KLHL13: variants seen among roughly 807,000 people sequenced by gnomAD.
KLHL13 encodes the protein kelch-like protein 13.
A neutral mutation model predicts 37.1 loss-of-function variants in KLHL13; 10 were observed. The observed-to-expected ratio is 0.27, with a 90% CI of 0.17 to 0.46. KLHL13 has a LOEUF of 0.46. KLHL13 is among the 20% of genes least tolerant of loss of function. KLHL13 has a pLI of 1.00. For missense variants in KLHL13, 360 were observed against 509.3 expected, an observed-to-expected ratio of 0.71 and a Z score of 2.82; for synonymous variants, 163 against 181.2, an observed-to-expected ratio of 0.90 and a Z score of 0.81.
intron 1 of KLHL13, among the ~76,000 whole-genome samples, chrX:118,072,787 A>G (rs752683997): frequency 4.5e-5 from 5 of 112,049 alleles, no homozygotes; most frequent in Non-Finnish European, 9.4e-5. Flanking sequence ...ATTGAAGCCT[A>G]TATCATGATG....
At chrX:118,056,930 C>T (rs764324190) in intron 1 of KLHL13, among the ~76,000 whole-genome samples, 8 of 112,091 alleles carry the variant, frequency 7.1e-5, no homozygotes, top group African/African-American at 2.3e-4. Context: ...TATCAGCCTC[C>T]GAGCACTTAA....
chrX:117,924,907 TTTTAATG>T lies in KLHL13; in HGVS notation c.241-4544_241-4538del, dbSNP rs201725679. Among the ~76,000 whole-genome samples, 19 of 111,161 alleles carry T rather than the reference TTTTAATG, an allele frequency of 1.7e-4. 1 individual carries two copies. In the East Asian group the frequency reaches 3.4e-3, roughly 20 times the overall value. ...TTAATGCTATTTTTAATGTTTAATG[TTTTAATG>T]TTTAATGTTTAATGTTTTTAAACAT... On this transcript the variant is annotated intron_variant, in intron 2 of 6. Transcript: ENST00000262820.
At chrX:118,026,605 A>G (rs1285224018) in intron 1 of KLHL13, among the ~76,000 whole-genome samples, 3 of 112,254 alleles carry the variant, frequency 2.7e-5, no homozygotes, top group Non-Finnish European at 3.8e-5. Context: ...TTACAAATGG[A>G]TAACTCATTT....
At chrX:118,108,151 A>C (rs1160032933) in intron 1 of KLHL13, among the ~76,000 whole-genome samples, 2 of 112,320 alleles carry the variant, frequency 1.8e-5, no homozygotes, top group Non-Finnish European at 3.8e-5. Context: ...AGTGGGACCA[A>C]GAAAGAAAAC....
intron 4 of KLHL13, among the ~76,000 whole-genome samples, chrX:117,913,848 G>GAAAAAAAAAAAAAAAAAAAAA (rs1201645166): frequency 1.7e-5 from 1 of 57,385 alleles, no homozygotes. Flanking sequence ...TCAAAAAAAA[G>GAAAAAAAAAAAAAAAAAAAAA]AAAAAAAAAA....
Position 117,899,093 on chromosome X carries a change from A to AC in KLHL13, c.1782dup (p.Tyr595ValfsTer5). The AC allele has an allele frequency of 8.3e-7, 1 of 1,210,762 alleles. No homozygotes were observed. Among genetic ancestry groups the AC allele is most frequent in the South Asian group, 1.8e-5 (1 of 56,961 alleles). Reference sequence around the variant, plus strand: ...ACCATACAACGATTATTCCAAGAATACCCCCCAACCACATAGATTTTATTT... The same window carrying AC: ...ACCATACAACGATTATTCCAAGAATACCCCCCCAACCACATAGATTTTATTT... On this transcript the variant is annotated frameshift_variant, in exon 7 of 7. Coordinates refer to ENST00000262820, the Ensembl canonical transcript of KLHL13. LOFTEE classifies it high-confidence loss of function.
At chrX:117,987,859 A>G (rs1294933478) in intron 1 of KLHL13, among the ~76,000 whole-genome samples, 1 of 111,791 alleles carries the variant, frequency 8.9e-6, no homozygotes, top group East Asian at 2.8e-4. Context: ...CTTTCCACTA[A>G]CTTATAAGGA....
intron 1 of KLHL13, among the ~76,000 whole-genome samples, chrX:118,036,438 G>T (rs766362448): frequency 1.8e-5 from 2 of 110,937 alleles, no homozygotes; most frequent in East Asian, 2.8e-4. Context: ...AAACAACGCC[G>T]CATATCTACA....
At chrX:118,023,505 G>A (rs890158200) in intron 1 of KLHL13, among the ~76,000 whole-genome samples, 1 of 111,532 alleles carries the variant, frequency 9.0e-6, no homozygotes, top group Non-Finnish European at 1.9e-5. Context: ...TAACTTTCAC[G>A]ATCTTAAACC....
At chrX:118,068,941 C>T (rs998876374) in intron 1 of KLHL13, among the ~76,000 whole-genome samples, 3 of 110,868 alleles carry the variant, frequency 2.7e-5, no homozygotes, top group African/African-American at 6.6e-5. Flanking sequence ...GTTGAGGCTG[C>T]GCAGTCCCTC....
At chrX:117,926,962 G>A (rs1262881893) in intron 2 of KLHL13, among the ~76,000 whole-genome samples, 1 of 90,173 alleles carries the variant, frequency 1.1e-5, no homozygotes. Flanking sequence ...CTGGAGTGCA[G>A]TGGCGCAATC....
intron 1 of KLHL13, among the ~76,000 whole-genome samples, chrX:118,017,388 CT>C (rs1425688447): frequency 9.0e-6 from 1 of 111,352 alleles, no homozygotes; most frequent in African/African-American, 3.3e-5. Context: ...TAAGATACAG[CT>C]ATAGAATAAT....
chrX:117,924,386 C>T (rs1186819159), intron 2 of KLHL13, among the ~76,000 whole-genome samples: 4 of 111,841 alleles, frequency 3.6e-5, no homozygotes, highest in Admixed American at 2.8e-4. Flanking sequence ...CATCTGCCTT[C>T]TATATATCTA....
intron 1 of KLHL13, among the ~76,000 whole-genome samples, chrX:118,013,807 A>G (rs1000601914): frequency 8.9e-6 from 1 of 112,733 alleles, no homozygotes; most frequent in African/African-American, 3.2e-5. Context: ...TGAAGATTTC[A>G]TGGACATTTA....
chrX:117,995,035 G>A (rs1002450472), intron 1 of KLHL13, among the ~76,000 whole-genome samples: 1 of 111,945 alleles, frequency 8.9e-6, no homozygotes, highest in Non-Finnish European at 1.9e-5. Context: ...GCAATAGAGC[G>A]AGACTCTGTC....
chrX:117,919,369 C>G, intron 4 of KLHL13, 152 bp downstream of exon 5: 2 of 497,763 alleles, frequency 4.0e-6, no homozygotes, highest in Admixed American at 6.9e-5. Flanking sequence ...AAAAATGCAC[C>G]TGTTTCAATC....
At chrX:117,983,553 T>C in intron 1 of KLHL13, 1 of 1,127,684 alleles carries the variant, frequency 8.9e-7, no homozygotes, top group Non-Finnish European at 1.2e-6. Flanking sequence ...CTCCTGAAAG[T>C]GGAGTGCAAA....
chrX:117,913,564 G>A (rs1569413188), intron 4 of KLHL13, among the ~76,000 whole-genome samples: 6 of 112,302 alleles, frequency 5.3e-5, no homozygotes, highest in Admixed American at 3.8e-4. Flanking sequence ...AGAACAACAA[G>A]GCCGGGGGCG....
At chrX:118,053,145 T>C (rs935468333) in intron 1 of KLHL13, among the ~76,000 whole-genome samples, 3 of 111,997 alleles carry the variant, frequency 2.7e-5, no homozygotes, top group Non-Finnish European at 5.6e-5. Context: ...ACTGGGTATA[T>C]ACCCAAAGGA....
Sources: gnomAD v4.1 joint callset for allele counts (sites outside exome capture counted in the v4.1 genomes callset) on GRCh38, gnomAD v4.1.1 for gene constraint, MANE v1.5 for transcripts, NCBI Gene and HGNC (gene_info 2026-07-23, HGNC 2026-07-21) for gene names.